The following MGST1 variants were observed in gnomAD, a reference collection of about 807,000 sequenced individuals.
The protein encoded by MGST1 is microsomal glutathione S-transferase 1.
A neutral mutation model predicts 8.9 loss-of-function variants in MGST1; 5 were observed. The ratio of observed to expected loss-of-function variants is 0.56; its 90% CI spans 0.29 to 1.19. The LOEUF is 1.19. Ranked by LOEUF, MGST1 falls within the 50% of genes most tolerant of loss-of-function variation. MGST1 has a pLI of 0.08. For missense variants in MGST1, 182 were observed against 187.4 expected, an observed-to-expected ratio of 0.97 and a Z score of 0.17; for synonymous variants, 54 against 67.8, an observed-to-expected ratio of 0.80 and a Z score of 1.00.
At chr12:16,441,654 T>C (rs1393897013), downstream of MGST1, among the ~76,000 whole-genome samples, 1 of 151,846 alleles carries the variant, frequency 6.6e-6, no homozygotes, top group Non-Finnish European at 1.5e-5. Flanking sequence ...TGTCTTTTCA[T>C]GGCTTGAATA....
At chr12:16,372,797 AAAG>A (rs1361846233) in intron 3 of MGST1, among the ~76,000 whole-genome samples, 77 of 151,226 alleles carry the variant, frequency 5.1e-4, no homozygotes, top group African/African-American at 1.7e-3. Context: ...GTGGATGGAT[AAAG>A]AAGATGGGAT....
intron 1 of MGST1, among the ~76,000 whole-genome samples, chr12:16,428,472 T>C (rs1212862363): frequency 6.6e-6 from 1 of 151,868 alleles, no homozygotes; most frequent in African/African-American, 2.4e-5. Flanking sequence ...ACATTTCTAT[T>C]GTTTTTTTTT....
chr12:16,446,426 C>T (rs1231209208), intron 4 of MGST1, among the ~76,000 whole-genome samples: 3 of 151,812 alleles, frequency 2.0e-5, no homozygotes, highest in African/African-American at 4.8e-5. Context: ...AAATCAAGGT[C>T]GCCATCTTCA....
At chr12:16,471,455 T>A (rs1202589032) in intron 4 of MGST1, among the ~76,000 whole-genome samples, 3 of 152,242 alleles carry the variant, frequency 2.0e-5, no homozygotes, top group Non-Finnish European at 4.4e-5. Flanking sequence ...ATTATTTTAC[T>A]GAATTATGCT....
rs544024559 is a variant in MGST1, at chr12:16,518,208, A to G, written n.483-71320A>G. Reference sequence around the variant, plus strand: ...TTCTCCAACTCTGCTATTCAGTGACATCACTCAAACCACACTTCCTCTCTT... The same window carrying G: ...TTCTCCAACTCTGCTATTCAGTGACGTCACTCAAACCACACTTCCTCTCTT... On this transcript the variant is annotated intron_variant and non_coding_transcript_variant, in intron 4 of 4. Transcript: ENST00000538857. Among the ~76,000 whole-genome samples, 4 of 152,320 alleles carry G rather than the reference A, an allele frequency of 2.6e-5. No homozygotes were observed. The South Asian group carries it at 8.3e-4, about 32-fold the overall frequency.
chr12:16,485,494 C>A (rs577919438), intron 4 of MGST1, among the ~76,000 whole-genome samples: 1 of 152,036 alleles, frequency 6.6e-6, no homozygotes, highest in Non-Finnish European at 1.5e-5. Context: ...TGTTTTAATC[C>A]ATTTTGGATT....
At chr12:16,359,978 C>T (rs932767195) in intron 3 of MGST1, among the ~76,000 whole-genome samples, 1 of 152,284 alleles carries the variant, frequency 6.6e-6, no homozygotes, top group Non-Finnish European at 1.5e-5. Flanking sequence ...TAAATTGATC[C>T]GCTAGTCAGG....
chr12:16,566,790 T>C (rs1486929135), intron 4 of MGST1, among the ~76,000 whole-genome samples: 1 of 152,186 alleles, frequency 6.6e-6, no homozygotes. Flanking sequence ...GTATAGTACA[T>C]ATATTCATTC....
chr12:16,396,626 C>G (rs1940608968), intron 1 of MGST1, among the ~76,000 whole-genome samples: 1 of 152,022 alleles, frequency 6.6e-6, no homozygotes, highest in Non-Finnish European at 1.5e-5. Flanking sequence ...ATCAGTAACT[C>G]TTCTACACAC....
At chr12:16,541,338 T>A (rs1336422762) in intron 4 of MGST1, among the ~76,000 whole-genome samples, 2 of 152,210 alleles carry the variant, frequency 1.3e-5, no homozygotes, top group Non-Finnish European at 2.9e-5. Flanking sequence ...TCAAAACTTC[T>A]TTTATATCTA....
At chr12:16,430,542 C>A (rs1940929006) in intron 1 of MGST1, among the ~76,000 whole-genome samples, 1 of 152,076 alleles carries the variant, frequency 6.6e-6, no homozygotes, top group Admixed American at 6.6e-5. Flanking sequence ...AAACACTAAT[C>A]TACTTACACA....
At chr12:16,477,056 A>G (rs1177916323) in intron 4 of MGST1, among the ~76,000 whole-genome samples, 1 of 152,228 alleles carries the variant, frequency 6.6e-6, no homozygotes, top group Non-Finnish European at 1.5e-5. Context: ...AATGGTTTCT[A>G]GGCTGAATAA....
intron 2 of MGST1, 157 bp downstream of exon 2, chr12:16,354,535 T>G (rs1591692476): frequency 3.3e-6 from 2 of 602,210 alleles, no homozygotes; most frequent in Non-Finnish European, 2.7e-6. Context: ...ATGGATCTGA[T>G]GTATTTATGG....
At chr12:16,381,870 G>A (rs189232795), downstream of MGST1, among the ~76,000 whole-genome samples, 65 of 151,858 alleles carry the variant, frequency 4.3e-4, 1 homozygote, top group East Asian at 6.0e-3. Flanking sequence ...TTCTCTTCTC[G>A]CTTCGTTTCA....
At chr12:16,590,845 A>T (rs1033509191), downstream of MGST1, among the ~76,000 whole-genome samples, 3 of 152,080 alleles carry the variant, frequency 2.0e-5, no homozygotes, top group African/African-American at 4.8e-5. Flanking sequence ...GCAACAGATC[A>T]TCACGTGACC....
intron 4 of MGST1, among the ~76,000 whole-genome samples, chr12:16,527,507 G>T (rs1251800749): frequency 6.6e-6 from 1 of 151,982 alleles, no homozygotes; most frequent in Admixed American, 6.6e-5. Context: ...TATGGAGCAG[G>T]CAGGAGATTA....
intron 2 of MGST1, among the ~76,000 whole-genome samples, chr12:16,356,704 G>A (rs1357362857): frequency 6.6e-6 from 1 of 152,188 alleles, no homozygotes; most frequent in African/African-American, 2.4e-5. Flanking sequence ...ATACATGAAT[G>A]TGTACTTCTT....
intron 1 of MGST1, among the ~76,000 whole-genome samples, chr12:16,432,265 A>G (rs1209008621): frequency 6.6e-6 from 1 of 152,176 alleles, no homozygotes; most frequent in Non-Finnish European, 1.5e-5. Flanking sequence ...GAGTACCTAC[A>G]TCATAATTCA....
intron 4 of MGST1, among the ~76,000 whole-genome samples, chr12:16,481,111 CAGAA>C (rs1421380257): frequency 4.6e-5 from 7 of 151,970 alleles, no homozygotes; most frequent in Non-Finnish European, 8.8e-5. Flanking sequence ...AAAAAAGAGA[CAGAA>C]AGAAAGACCT....
Sources: allele counts gnomAD v4.1 joint callset (sites outside exome capture counted in the v4.1 genomes callset), GRCh38; gene constraint gnomAD v4.1.1; transcripts MANE v1.5; gene names NCBI Gene and HGNC (gene_info 2026-07-23, HGNC 2026-07-21).